Variants in ADAMTS19 observed in about 807,000 individuals in gnomAD.
ADAMTS19 encodes ADAM metallopeptidase with thrombospondin type 1 motif 19.
A neutral mutation model predicts 153.3 loss-of-function variants in ADAMTS19; 93 were observed. The ratio of observed to expected loss-of-function variants is 0.61; its 90% CI spans 0.51 to 0.72. The LOEUF is 0.72. Ranked by LOEUF, ADAMTS19 falls within the 30% of genes least tolerant of loss-of-function variation. The pLI, the probability that ADAMTS19 is intolerant of heterozygous loss-of-function variation, is 0.00. For missense variants in ADAMTS19, 1,482 were observed against 1,552.1 expected, an observed-to-expected ratio of 0.95 and a Z score of 0.76; for synonymous variants, 600 against 556.6, an observed-to-expected ratio of 1.08 and a Z score of -1.10.
intron 7 of ADAMTS19, 69 bp downstream of exon 7, chr5:129,551,976 G>T: frequency 1.0e-6 from 1 of 981,890 alleles, no homozygotes; most frequent in Non-Finnish European, 1.5e-6. Flanking sequence ...TTAAGTATAG[G>T]AAATTATTTG....
chr5:129,499,462 G>A (rs780489844), intron 2 of ADAMTS19, among the ~76,000 whole-genome samples: 2 of 151,964 alleles, frequency 1.3e-5, no homozygotes, highest in African/African-American at 2.4e-5. Context: ...TTGTGATGTT[G>A]TATATGATAG....
At chr5:129,684,855 C>A (rs1021846095) in intron 18 of ADAMTS19, among the ~76,000 whole-genome samples, 2 of 151,934 alleles carry the variant, frequency 1.3e-5, no homozygotes, top group Admixed American at 6.6e-5. Context: ...GGTGTGGTGG[C>A]GGGCGCCTGT....
In ADAMTS19 at chr5:129,701,398, A is replaced by G; in HGVS notation, c.2965A>G (p.Thr989Ala). Residue 989 changes from threonine to alanine, a missense_variant, in exon 20 of 23, where the codon ACA (threonine) becomes GCA (alanine). By Grantham distance (58) the Thr-to-Ala change is moderately conservative (BLOSUM62 0). Coordinates refer to ENST00000274487, the MANE Select transcript of ADAMTS19 (RefSeq NM_133638.6). ...EQPCQTRWMM[T>A]EWTPCSRTCG... is the part of the protein sequence containing the mutation. The stretch of plus-strand genomic sequence containing the variant: ...TTGCTTTACTTTCAGGTGGATGATG[A>G]CAGAATGGACCCCTTGTTCACGAAC... The G allele has an allele frequency of 6.2e-7, 1 of 1,614,170 alleles. No homozygotes were observed. The highest frequency in any genetic ancestry group is 8.5e-7 in the Non-Finnish European group (1 of 1,180,036).
intron 2 of ADAMTS19, among the ~76,000 whole-genome samples, chr5:129,500,136 G>A (rs1561540400): frequency 6.6e-6 from 1 of 152,068 alleles, no homozygotes; most frequent in Non-Finnish European, 1.5e-5. Context: ...TTCACATAAA[G>A]TTAAAATGAA....
chr5:129,546,079 C>A (rs1017807642), intron 6 of ADAMTS19, among the ~76,000 whole-genome samples: 1 of 148,524 alleles, frequency 6.7e-6, no homozygotes, highest in African/African-American at 2.6e-5. Flanking sequence ...AGTTCATGTC[C>A]TTTGTAGGGA....
chr5:129,478,538 C>G (rs538415463), intron 2 of ADAMTS19, among the ~76,000 whole-genome samples: 1 of 152,178 alleles, frequency 6.6e-6, no homozygotes, highest in South Asian at 2.1e-4. Context: ...AGTGGAACCC[C>G]TACCTTTTTT....
chr5:129,622,173 T>C, intron 9 of ADAMTS19, 25 bp from the exon 10 acceptor site: 1 of 1,613,774 alleles, frequency 6.2e-7, no homozygotes, highest in East Asian at 2.2e-5. Context: ...AATTCAAAAG[T>C]TTACACATAC....
intron 7 of ADAMTS19, among the ~76,000 whole-genome samples, chr5:129,573,211 C>A (rs372939744): frequency 1.3e-5 from 2 of 152,130 alleles, no homozygotes; most frequent in East Asian, 3.9e-4. Context: ...TAAATGAAGC[C>A]TTGCTTAGGA....
At chr5:129,666,983 A>T (rs973674414) in intron 16 of ADAMTS19, among the ~76,000 whole-genome samples, 1 of 152,206 alleles carries the variant, frequency 6.6e-6, no homozygotes, top group Non-Finnish European at 1.5e-5. Flanking sequence ...AGGCAATATT[A>T]CAAAGGTGAC....
chr5:129,634,976 G>A (rs1283227943), intron 10 of ADAMTS19, among the ~76,000 whole-genome samples: 1 of 152,080 alleles, frequency 6.6e-6, no homozygotes, highest in Non-Finnish European at 1.5e-5. Context: ...TCCACCAAGA[G>A]TGGACAGACA....
intron 6 of ADAMTS19, among the ~76,000 whole-genome samples, chr5:129,540,972 T>C (rs955094782): frequency 6.6e-6 from 1 of 152,028 alleles, no homozygotes; most frequent in South Asian, 2.1e-4. Flanking sequence ...CAGCAAATAA[T>C]CTCTATCCCC....
At chr5:129,637,760 G>A (rs1442000050) in intron 10 of ADAMTS19, among the ~76,000 whole-genome samples, 1 of 152,114 alleles carries the variant, frequency 6.6e-6, no homozygotes, top group African/African-American at 2.4e-5. Flanking sequence ...CAAGAGAATC[G>A]CTTGAACCCG....
Position 129,577,477 on chromosome 5 carries a change from G to A in ADAMTS19, c.1373-19082G>A, listed in dbSNP as rs1393719213. Among the ~76,000 whole-genome samples, 8 of 152,160 alleles carry A rather than the reference G, an allele frequency of 5.3e-5. No individual in the cohort carries two copies. The South Asian group carries it at 1.0e-3, about 20-fold the overall frequency. ...TAAGGGATAATCCGGGAGTTCCAGGGGAGAAGGAAATTTATAATTTTAAAC... is the reference window on the plus strand; with the variant it reads ...TAAGGGATAATCCGGGAGTTCCAGGAGAGAAGGAAATTTATAATTTTAAAC... On this transcript the variant is annotated intron_variant, in intron 7 of 22. Transcript: ENST00000274487.
rs1051984826 is a variant in ADAMTS19 at position 129,679,780 on chromosome 5, C to T, written c.2523C>T (p.Gly841=). The T allele has an allele frequency of 3.1e-6, 5 of 1,610,766 alleles. No individual in the cohort carries two copies. In the Admixed American group the frequency reaches 6.8e-5, roughly 22 times the overall value. ...TCTTTATAGCTCTCCGAGATGCTGG[C>T]AAACAGTCTATTAATAGTGACTGGA... ...AHSYLALRDA[G]KQSINSDWKI... The change falls in exon 17 of 23, where the codon GGC becomes GGT. Residue 841 remains glycine, a synonymous_variant. Transcript: ENST00000274487.
At chr5:129,552,373 A>C (rs1025919140) in intron 7 of ADAMTS19, among the ~76,000 whole-genome samples, 32 of 152,020 alleles carry the variant, frequency 2.1e-4, no homozygotes, top group African/African-American at 7.5e-4. Flanking sequence ...CATTTGTATT[A>C]GATATCTAAA....
At chr5:129,468,242 A>G (rs1037523394) in intron 2 of ADAMTS19, among the ~76,000 whole-genome samples, 2 of 152,214 alleles carry the variant, frequency 1.3e-5, no homozygotes, top group African/African-American at 4.8e-5. Flanking sequence ...GTGCTACTTT[A>G]CAGTCTCAGA....
At chr5:129,578,752 C>T (rs1314003601) in intron 7 of ADAMTS19, among the ~76,000 whole-genome samples, 2 of 152,076 alleles carry the variant, frequency 1.3e-5, no homozygotes, top group Admixed American at 6.5e-5. Flanking sequence ...TCATCCATGT[C>T]CCCACAAAGG....
intron 2 of ADAMTS19, among the ~76,000 whole-genome samples, chr5:129,491,777 C>T (rs1191264367): frequency 6.6e-6 from 1 of 152,116 alleles, no homozygotes; most frequent in Admixed American, 6.5e-5. Flanking sequence ...CTACTATTCT[C>T]TTTTAATACT....
chr5:129,710,867 T>C (rs1250045828), intron 21 of ADAMTS19, among the ~76,000 whole-genome samples: 1 of 152,216 alleles, frequency 6.6e-6, no homozygotes, highest in Non-Finnish European at 1.5e-5. Context: ...ACCCCTGATG[T>C]CTAATGTTTT....
Sources: gnomAD v4.1 joint callset for allele counts (sites outside exome capture counted in the v4.1 genomes callset) on GRCh38, gnomAD v4.1.1 for gene constraint, MANE v1.5 for transcripts, NCBI Gene and HGNC (gene_info 2026-07-23, HGNC 2026-07-21) for gene names.